TACC2: variants seen among roughly 807,000 people sequenced by gnomAD.
TACC2 encodes the protein transforming acidic coiled-coil containing protein 2.
Under a neutral mutation model 227.3 loss-of-function variants are expected in TACC2, and 137 were observed. That is an observed-to-expected ratio of 0.60 (90% confidence interval 0.52 to 0.69). TACC2 has a LOEUF of 0.69. Ranked by LOEUF, TACC2 falls within the 30% of genes least tolerant of loss-of-function variation. The pLI is 0.00. For synonymous variants in TACC2, 1,523 were observed against 1,487.5 expected (o/e 1.02, Z -0.55); for missense variants, 3,470 against 3,694.4 (o/e 0.94, Z 1.57).
chr10:122,115,279 T>TAG (rs1352754568), intron 5 of TACC2, among the ~76,000 whole-genome samples: 3 of 6,600 alleles, frequency 4.5e-4, no homozygotes, highest in Non-Finnish European at 1.7e-3. Context: ...TGAGTGTGTG[T>TAG]GTGTGTGTGT....
chr10:122,131,367 C>T (rs1338414070), intron 5 of TACC2, among the ~76,000 whole-genome samples: 3 of 152,022 alleles, frequency 2.0e-5, no homozygotes, highest in Non-Finnish European at 2.9e-5. Context: ...GAAAGTCACT[C>T]AGGGACCTCC....
chr10:122,190,573 A>T (rs2094376934), intron 7 of TACC2, among the ~76,000 whole-genome samples: 3 of 152,076 alleles, frequency 2.0e-5, no homozygotes, highest in Non-Finnish European at 2.9e-5. Flanking sequence ...GTGCTATTGG[A>T]TACCATTAGC....
intron 5 of TACC2, among the ~76,000 whole-genome samples, chr10:122,113,825 G>A (rs555760936): frequency 3.9e-5 from 6 of 152,340 alleles, no homozygotes; most frequent in Admixed American, 2.0e-4. Context: ...TGACCCGCCC[G>A]AGCGTCCCCT....
intron 18 of TACC2, among the ~76,000 whole-genome samples, chr10:122,238,954 A>G (rs969543228): frequency 1.3e-5 from 2 of 152,148 alleles, no homozygotes; most frequent in Non-Finnish European, 2.9e-5. Context: ...TAATAGAAAT[A>G]TAGTCACCAT....
chr10:122,207,671 C>G (rs57455333), intron 8 of TACC2, among the ~76,000 whole-genome samples: 1 of 152,332 alleles, frequency 6.6e-6, no homozygotes, highest in African/African-American at 2.4e-5. Context: ...TCATGATGAG[C>G]TAATGAGAGC....
intron 5 of TACC2, among the ~76,000 whole-genome samples, chr10:122,121,090 G>A (rs906955080): frequency 5.9e-5 from 9 of 152,250 alleles, no homozygotes; most frequent in African/African-American, 2.2e-4. Context: ...CACCCCAGTT[G>A]ATATTCACAT....
intron 1 of TACC2, among the ~76,000 whole-genome samples, chr10:121,996,882 T>C (rs1953573530): frequency 6.6e-6 from 1 of 151,966 alleles, no homozygotes. Flanking sequence ...CTGGACTCAA[T>C]AGAGAAAGCC....
At chr10:122,005,479 G>C (rs1364311542) in intron 1 of TACC2, among the ~76,000 whole-genome samples, 5 of 150,548 alleles carry the variant, frequency 3.3e-5, no homozygotes, top group Non-Finnish European at 5.9e-5. Flanking sequence ...CCACCTCCTG[G>C]GTTCACGCCA....
At position 122,083,567 on chromosome 10, in the gene TACC2, T is replaced by C. The variant is rs1247158967; in HGVS notation, c.1067T>C (p.Val356Ala). The change falls in exon 4 of 23, where the codon GTG becomes GCG. Residue 356 changes from valine (V) to alanine (A), a missense_variant. Around this residue, in one of 10 missense-constraint regions of TACC2, gnomAD observed 1,924 missense variants for 1,978.3 expected, o/e 0.97. Coordinates refer to ENST00000369005, the MANE Select transcript of TACC2 (RefSeq NM_206862.4). ...TGGGGCTTGCCAAGTCCTGCCCTGGTGCCAGAGGCTGGGGGCTCTGGGAAG... is the reference window on the plus strand; with the variant it reads ...TGGGGCTTGCCAAGTCCTGCCCTGGCGCCAGAGGCTGGGGGCTCTGGGAAG... The part of the protein sequence containing the change: ...LPWGLPSPAL[V>A]PEAGGSGKEA... The C allele has an allele frequency of 1.9e-6, 3 of 1,613,002 alleles. No homozygotes were observed. In the Admixed American group the frequency reaches 5.0e-5, roughly 27 times the overall value.
intron 3 of TACC2, among the ~76,000 whole-genome samples, chr10:122,077,616 C>G (rs1477304967): frequency 1.3e-5 from 2 of 152,130 alleles, no homozygotes; most frequent in African/African-American, 4.8e-5. Flanking sequence ...GTGACAGGAG[C>G]AGACTTTGAT....
chr10:122,176,234 A>ATGGCTTTCATTCTGAG (rs2093713422), intron 7 of TACC2, among the ~76,000 whole-genome samples: 1 of 151,684 alleles, frequency 6.6e-6, no homozygotes, highest in Non-Finnish European at 1.5e-5. Context: ...ACCACTCAAG[A>ATGGCTTTCATTCTGAG]TGGCTTTCAT....
chr10:122,012,591 A>G (rs1956088201), intron 1 of TACC2, among the ~76,000 whole-genome samples: 1 of 152,148 alleles, frequency 6.6e-6, no homozygotes, highest in Non-Finnish European at 1.5e-5. Context: ...CAATATATGA[A>G]GAATTGTTAT....
At chr10:122,215,339 G>C (rs1199392422) in intron 9 of TACC2, 52 bp from the exon 10 acceptor site, 1 of 1,525,022 alleles carries the variant, frequency 6.6e-7, no homozygotes, top group Non-Finnish European at 9.1e-7. Context: ...TACTGCTCTG[G>C]AGTGTTCCGT....
intron 22 of TACC2, among the ~76,000 whole-genome samples, chr10:122,249,950 A>G (rs527349199): frequency 5.1e-4 from 77 of 152,310 alleles, no homozygotes; most frequent in Non-Finnish European, 8.2e-4. Context: ...TTAAGTGCCT[A>G]CAATGTGTTA....
rs1565704868 is a variant in TACC2 at position 122,227,964 on chromosome 10, C to T, written c.7852C>T (p.Leu2618=). 6.2e-7 allele frequency: 1 copy of T among 1,614,158 alleles called. No homozygotes were observed. The highest frequency in any genetic ancestry group is 1.1e-5 in the South Asian group (1 of 91,072). Reference sequence around the variant, plus strand: ...GCCAGAGAAATCCTCCCAGAAGGAGCTGGAGGCCATGGGCTTGGGCACCCC... The same window carrying T: ...GCCAGAGAAATCCTCCCAGAAGGAGTTGGAGGCCATGGGCTTGGGCACCCC... ...QVPEKSSQKE[L]EAMGLGTPSE... Residue 2618 remains leucine (L), a synonymous_variant, in exon 14 of 23, where the codon CTG becomes TTG. Transcript: ENST00000369005.
intron 3 of TACC2, among the ~76,000 whole-genome samples, chr10:122,075,404 T>C (rs2136882140): frequency 6.6e-6 from 1 of 152,230 alleles, no homozygotes; most frequent in Non-Finnish European, 1.5e-5. Context: ...AGGGGCTGCA[T>C]TGTGGTAGTT....
chr10:122,017,247 A>G (rs1956769574), intron 1 of TACC2, among the ~76,000 whole-genome samples: 3 of 152,084 alleles, frequency 2.0e-5, no homozygotes, highest in Admixed American at 6.6e-5. Flanking sequence ...GTTTCTGGAA[A>G]GTGGTTTCTG....
At position 122,085,191 on chromosome 10, in the gene TACC2, G is replaced by A; in HGVS notation, c.2691G>A (p.Leu897=). ...CTCATGGAGGACAGGAGCAGGCTTT[G>A]GGATCAGAACTTCAAAGTCAGCTCC... ...LPTHGGQEQA[L]GSELQSQLPK... Residue 897 remains leucine, a synonymous_variant, in exon 4 of 23, where the codon TTG becomes TTA. Coordinates refer to ENST00000369005, the MANE Select transcript of TACC2 (RefSeq NM_206862.4). 1.2e-6 allele frequency: 2 copies of A among 1,614,070 alleles called. No homozygotes were observed. Among genetic ancestry groups the A allele is most frequent in the Admixed American group, 3.3e-5 (2 of 60,030 alleles).
chr10:122,217,023 C>T (rs897163025), intron 11 of TACC2, 195 bp downstream of exon 11: 1 of 1,183,934 alleles, frequency 8.4e-7, no homozygotes, highest in Non-Finnish European at 1.2e-6. Context: ...AGCAGCTGTC[C>T]CTTGACCCAA....
Sources: allele counts gnomAD v4.1 joint callset (sites outside exome capture counted in the v4.1 genomes callset), GRCh38; gene constraint gnomAD v4.1.1; regional missense constraint gnomAD v4.1.1; transcripts MANE v1.5; gene names NCBI Gene and HGNC (gene_info 2026-07-23, HGNC 2026-07-21).